The following RP1 variants were observed in gnomAD, a reference collection of about 807,000 sequenced individuals.
RP1 encodes RP1 axonemal microtubule associated, also known as oxygen-regulated protein 1.
Under a neutral mutation model 14.8 loss-of-function variants are expected in RP1, and 16 were observed. That is an observed-to-expected ratio of 1.08 (90% confidence interval 0.73 to 1.65). The LOEUF (loss-of-function observed/expected upper bound fraction) is 1.65, where lower values mean the gene tolerates loss of function less well. RP1 is among the 40% of genes most tolerant of loss of function. RP1 has a pLI of 0.00. For synonymous variants in RP1, 876 were observed against 883.6 expected (o/e 0.99, Z 0.15); for missense variants, 2,631 against 2,535.0 (o/e 1.04, Z -0.81).
chr8:54,593,615 G>A (rs1805084403), intron 1 of RP1, among the ~76,000 whole-genome samples: 1 of 152,176 alleles, frequency 6.6e-6, no homozygotes, highest in African/African-American at 2.4e-5. Flanking sequence ...TATGCAAAGG[G>A]AGCAGGCTGC....
intron 15 of RP1, among the ~76,000 whole-genome samples, chr8:54,710,739 G>A (rs991204476): frequency 5.3e-5 from 8 of 152,160 alleles, no homozygotes; most frequent in South Asian, 2.1e-4. Flanking sequence ...TCATCCAGCC[G>A]CTGTCTCTGA....
chr8:54,630,005 G>A lies in RP1; in HGVS notation c.6123G>A (p.Leu2041=), dbSNP rs765774162. 2 of 1,614,028 alleles carry A rather than the reference G, an allele frequency of 1.2e-6. No homozygotes were observed. Among genetic ancestry groups the A allele is most frequent in the Non-Finnish European group, 1.7e-6 (2 of 1,179,954 alleles). ...RFCMNFLHTS[L]LVVGNVDSNT... ...GTATGAATTTCTTGCACACATCATT[G>A]TTAGTTGTGGGTAATGTGGATTCAA... The change falls in exon 4 of 4, where the codon TTG becomes TTA. Residue 2041 remains leucine (L), a synonymous_variant. Transcript: ENST00000220676.
chr8:54,691,232 G>T (rs1021233739), intron 12 of RP1, among the ~76,000 whole-genome samples: 2 of 151,958 alleles, frequency 1.3e-5, no homozygotes, highest in African/African-American at 4.8e-5. Context: ...TACTTCAGTG[G>T]GAATATTGAT....
intron 28 of RP1, among the ~76,000 whole-genome samples, chr8:54,867,214 G>T (rs1050553749): frequency 8.5e-5 from 13 of 152,102 alleles, no homozygotes; most frequent in Admixed American, 8.5e-4. Flanking sequence ...CTATAGTTTC[G>T]ATTCTAGGAA....
intron 19 of RP1, among the ~76,000 whole-genome samples, chr8:54,748,845 T>G (rs1809291022): frequency 6.6e-6 from 1 of 151,788 alleles, no homozygotes; most frequent in African/African-American, 2.4e-5. Context: ...GTAGAAGTAT[T>G]TTTTTTTGTT....
chr8:54,641,135 C>T (rs185568951), intron 3 of RP1, among the ~76,000 whole-genome samples: 2 of 151,952 alleles, frequency 1.3e-5, no homozygotes, highest in East Asian at 3.9e-4. Flanking sequence ...TTAGTAGAGA[C>T]GGGGTTTCAC....
intron 7 of RP1, among the ~76,000 whole-genome samples, chr8:54,672,588 TC>T (rs1342060519): frequency 6.6e-6 from 1 of 152,238 alleles, no homozygotes; most frequent in African/African-American, 2.4e-5. Flanking sequence ...TAATCTGCCA[TC>T]TTCTTGACAT....
intron 12 of RP1, among the ~76,000 whole-genome samples, chr8:54,688,320 C>A (rs1215125432): frequency 6.6e-6 from 1 of 152,056 alleles, no homozygotes; most frequent in Non-Finnish European, 1.5e-5. Flanking sequence ...AGTTTAATTA[C>A]ATCCCATTTG....
chr8:54,750,593 T>C (rs113845790), intron 19 of RP1, among the ~76,000 whole-genome samples: 1 of 152,258 alleles, frequency 6.6e-6, no homozygotes, highest in African/African-American at 2.4e-5. Flanking sequence ...ATCAGCACTC[T>C]GTAGCTAGGA....
intron 8 of RP1, among the ~76,000 whole-genome samples, chr8:54,674,770 C>A (rs926062906): frequency 6.6e-6 from 1 of 151,898 alleles, no homozygotes; most frequent in Non-Finnish European, 1.5e-5. Flanking sequence ...AAAATATGAC[C>A]AATATTCTAT....
Position 54,626,472 on chromosome 8 carries a change from A to G in RP1, c.2590A>G (p.Ile864Val), listed in dbSNP as rs1286566228. ...AGTTTCAAAAGTTACTGATTCACAC[A>G]TAACTTTAAAAAGCCAGAAAAAACG... ...SLVSKVTDSH[I>V]TLKSQKKRKG... is the part of the protein sequence containing the mutation. Residue 864 changes from isoleucine (I) to valine (V), a missense_variant, in exon 4 of 4, where the codon ATA becomes GTA. Coordinates refer to ENST00000220676, the MANE Select transcript of RP1 (RefSeq NM_006269.2). 4 of 1,613,854 alleles carry G rather than the reference A, an allele frequency of 2.5e-6. No homozygotes were observed. The highest frequency in any genetic ancestry group is 1.7e-5 in the Admixed American group (1 of 59,994).
At chr8:54,770,744 C>T (rs1024309133), downstream of RP1, among the ~76,000 whole-genome samples, 1 of 151,484 alleles carries the variant, frequency 6.6e-6, no homozygotes. Context: ...CAAAAATCAA[C>T]TTGTAATTTA....
intron 24 of RP1, among the ~76,000 whole-genome samples, chr8:54,786,211 T>C (rs1810314107): frequency 6.6e-6 from 1 of 152,084 alleles, no homozygotes; most frequent in African/African-American, 2.4e-5. Flanking sequence ...CTATTTTTGT[T>C]TATCTAGGAA....
At chr8:54,705,790 T>G (rs953849117) in intron 14 of RP1, among the ~76,000 whole-genome samples, 11 of 151,836 alleles carry the variant, frequency 7.2e-5, no homozygotes, top group African/African-American at 2.7e-4. Flanking sequence ...CTTTGACAAT[T>G]TTCTAGAGGA....
chr8:54,573,459 T>C (rs1454324931), intron 1 of RP1, among the ~76,000 whole-genome samples: 2 of 152,226 alleles, frequency 1.3e-5, no homozygotes, highest in African/African-American at 4.8e-5. Flanking sequence ...GAATGACTAA[T>C]GAACTCAGTT....
rs76358471 is a variant in RP1, at chr8:54,749,862, C to CT, written c.2809-4928dup. Reference sequence around the variant, plus strand: ...TGGGATTCCAAAGCTTTGGAGGTTTCTTTTTTTTTTTTTGAAGTTAGAGGT... The same window carrying CT: ...TGGGATTCCAAAGCTTTGGAGGTTTCTTTTTTTTTTTTTTGAAGTTAGAGGT... On this transcript the variant is annotated intron_variant, in intron 19 of 22. Coordinates refer to the RP1 transcript ENST00000636932. 0.019 allele frequency among the ~76,000 whole-genome samples: 2,605 copies of CT among 139,854 alleles called. 162 individuals are homozygous for CT. The East Asian group carries it at 0.21, about 11-fold the overall frequency. The allele number at this position is 139,854 out of a possible 152,430, so 91.7% of individuals were successfully genotyped here. A position where few individuals can be genotyped will look rare whatever the true frequency, so the allele number is the denominator to read the frequency against.
intron 19 of RP1, among the ~76,000 whole-genome samples, chr8:54,747,209 C>G (rs1482184153): frequency 6.6e-6 from 1 of 152,078 alleles, no homozygotes; most frequent in African/African-American, 2.4e-5. Flanking sequence ...AAAGAGAAGC[C>G]AGAGTGATCT....
chr8:54,697,423 CGCAT>C (rs1807895537), intron 12 of RP1, among the ~76,000 whole-genome samples: 1 of 152,130 alleles, frequency 6.6e-6, no homozygotes, highest in East Asian at 1.9e-4. Context: ...GGCATGGTGG[CGCAT>C]GCCTGTGATC....
At chr8:54,561,438 G>C (rs574133491) in intron 1 of RP1, among the ~76,000 whole-genome samples, 1 of 152,226 alleles carries the variant, frequency 6.6e-6, no homozygotes, top group African/African-American at 2.4e-5. Flanking sequence ...TAGTATCTTA[G>C]AACCATTTAA....
Sources: allele counts gnomAD v4.1 joint callset (sites outside exome capture counted in the v4.1 genomes callset), GRCh38; gene constraint gnomAD v4.1.1; transcripts MANE v1.5; gene names NCBI Gene and HGNC (gene_info 2026-07-23, HGNC 2026-07-21).